The following CFAP61 variants were observed in gnomAD, a reference collection of about 807,000 sequenced individuals.
CFAP61 encodes cilia- and flagella-associated protein 61.
Under a neutral mutation model 135.6 loss-of-function variants are expected in CFAP61, and 107 were observed. That is an observed-to-expected ratio of 0.79 (90% CI 0.67 to 0.93). CFAP61 has a LOEUF of 0.93. Ranked by LOEUF, CFAP61 falls within the 40% of genes least tolerant of loss-of-function variation. The probability of loss-of-function intolerance (pLI) is 0.00; values close to 1 mark genes in which losing one functional copy is unlikely to be tolerated. For missense variants in CFAP61, 1,507 were observed against 1,556.2 expected (o/e 0.97, Z 0.53); for synonymous variants, 575 against 578.5 (o/e 0.99, Z 0.09).
intron 16 of CFAP61, among the ~76,000 whole-genome samples, chr20:20,198,085 A>G (rs1372382918): frequency 6.6e-6 from 1 of 152,266 alleles, no homozygotes; most frequent in Non-Finnish European, 1.5e-5. Context: ...GAAGAAAAAC[A>G]GAAAAGGTTT....
intron 6 of CFAP61, among the ~76,000 whole-genome samples, chr20:20,083,643 C>T (rs1600517514): frequency 6.6e-6 from 1 of 152,168 alleles, no homozygotes; most frequent in Non-Finnish European, 1.5e-5. Flanking sequence ...TTAAACTTGA[C>T]TTCTGAGCAA....
At chr20:20,130,490 G>A (rs1229572612) in intron 8 of CFAP61, among the ~76,000 whole-genome samples, 7 of 151,758 alleles carry the variant, frequency 4.6e-5, no homozygotes, top group African/African-American at 1.7e-4. Flanking sequence ...TCAATTGAAG[G>A]ACAGTTGAAG....
chr20:20,347,614 C>G (rs1332906785), intron 26 of CFAP61, among the ~76,000 whole-genome samples: 1 of 152,064 alleles, frequency 6.6e-6, no homozygotes, highest in Non-Finnish European at 1.5e-5. Flanking sequence ...ATTACATAAC[C>G]TAGATGAAAT....
chr20:20,358,325 T>A (rs1373638966), intron 26 of CFAP61, among the ~76,000 whole-genome samples: 2 of 152,120 alleles, frequency 1.3e-5, no homozygotes, highest in Non-Finnish European at 2.9e-5. Flanking sequence ...GAGGTCATCC[T>A]TCAAGAGGCA....
chr20:20,097,301 G>A (rs906486183), intron 7 of CFAP61, among the ~76,000 whole-genome samples: 2 of 152,152 alleles, frequency 1.3e-5, no homozygotes, highest in African/African-American at 4.8e-5. Flanking sequence ...TTGAGAGATA[G>A]GACCCAGTAA....
chr20:20,137,756 CT>C, intron 8 of CFAP61, among the ~76,000 whole-genome samples: 1 of 152,304 alleles, frequency 6.6e-6, no homozygotes, highest in African/African-American at 2.4e-5. Context: ...TGTGGCCAAG[CT>C]GACACCTAAG....
chr20:20,074,441 T>C, intron 4 of CFAP61, 63 bp downstream of exon 4: 1 of 1,421,792 alleles, frequency 7.0e-7, no homozygotes, highest in South Asian at 1.2e-5. Context: ...TTTTGAAATA[T>C]TTTTTAAAAG....
chr20:20,071,090 G>A, intron 3 of CFAP61, 86 bp downstream of exon 3: 1 of 1,342,890 alleles, frequency 7.4e-7, no homozygotes, highest in African/African-American at 1.4e-5. Context: ...TCCAAGTTTT[G>A]TACTGAGCAG....
At chr20:20,196,266 C>A (rs1417307405) in intron 15 of CFAP61, among the ~76,000 whole-genome samples, 1 of 152,168 alleles carries the variant, frequency 6.6e-6, no homozygotes, top group Non-Finnish European at 1.5e-5. Flanking sequence ...GAGCTGCTGT[C>A]CTGCCGCTTG....
At chr20:20,210,705 T>C (rs1359280611) in intron 17 of CFAP61, among the ~76,000 whole-genome samples, 1 of 152,240 alleles carries the variant, frequency 6.6e-6, no homozygotes, top group East Asian at 1.9e-4. Context: ...TGTGATTCCA[T>C]TCATTATGAA....
chr20:20,075,410 T>G, intron 5 of CFAP61, 79 bp from the exon 6 acceptor site: 1 of 1,536,876 alleles, frequency 6.5e-7, no homozygotes, highest in Non-Finnish European at 9.0e-7. Flanking sequence ...CAATTTAGAA[T>G]GGAAACTACA....
rs200491292 is a variant in CFAP61 at position 20,056,797 on chromosome 20, G to C, written c.143+1G>C. The C allele has an allele frequency of 1.9e-4, 300 of 1,613,578 alleles. No homozygotes were observed. The highest frequency in any genetic ancestry group is 3.3e-4 in the Admixed American group (20 of 60,016). On this transcript the variant is annotated splice_donor_variant, in intron 2 of 26. Coordinates refer to ENST00000245957, the MANE Select transcript of CFAP61 (RefSeq NM_015585.4). LOFTEE classifies it high-confidence loss of function. Reference sequence around the variant, plus strand: ...GGAAGCTAAATATCATCTATCTTCTGTAAGTAGATAACTAAGTTCAAGAAT... The same window carrying C: ...GGAAGCTAAATATCATCTATCTTCTCTAAGTAGATAACTAAGTTCAAGAAT...
Position 20,098,813 on chromosome 20 carries a change from A to G in CFAP61, c.858A>G (p.Gln286=), listed in dbSNP as rs1027624056. The stretch of plus-strand genomic sequence containing the variant: ...AAGACCTAAGTGTCCGAAGAAGTCA[A>G]GGTACAGTGGCTATCACAGGGACAC... ...SPQDLSVRRS[Q]DAELRSSSQG... Residue 286 remains glutamine (Q), a splice_region_variant and synonymous_variant, in exon 8 of 27, where the codon CAA becomes CAG. Transcript: ENST00000245957. 5.0e-6 allele frequency: 8 copies of G among 1,611,544 alleles called. No homozygotes were observed. Among genetic ancestry groups the G allele is most frequent in the Non-Finnish European group, 6.8e-6 (8 of 1,178,990 alleles).
chr20:20,298,114 A>G, intron 24 of CFAP61, 67 bp from the exon 25 acceptor site: 4 of 1,062,414 alleles, frequency 3.8e-6, no homozygotes, highest in Admixed American at 1.7e-5. Flanking sequence ...ATAAATTGCT[A>G]TGATAAAGTT....
intron 25 of CFAP61, among the ~76,000 whole-genome samples, chr20:20,336,591 T>C (rs190846331): frequency 2.3e-4 from 35 of 151,632 alleles, no homozygotes; most frequent in South Asian, 8.4e-4. Flanking sequence ...TGCCACTGTA[T>C]TCCAGCCTGG....
intron 26 of CFAP61, among the ~76,000 whole-genome samples, chr20:20,354,196 A>G (rs1050513316): frequency 6.6e-6 from 1 of 152,044 alleles, no homozygotes; most frequent in Non-Finnish European, 1.5e-5. Context: ...AACCTGGAGG[A>G]CTTTATGCTA....
chr20:20,166,988 C>G (rs535242047), intron 12 of CFAP61, among the ~76,000 whole-genome samples: 1 of 152,270 alleles, frequency 6.6e-6, no homozygotes, highest in East Asian at 1.9e-4. Flanking sequence ...TGCCTACATT[C>G]TTGTCTCATT....
chr20:20,340,734 A>G (rs2058412186), intron 25 of CFAP61, among the ~76,000 whole-genome samples: 1 of 152,142 alleles, frequency 6.6e-6, no homozygotes, highest in Non-Finnish European at 1.5e-5. Flanking sequence ...GGTGCCATGG[A>G]AACAAACATG....
intron 21 of CFAP61, chr20:20,265,657 C>T (rs2052666807): frequency 1.5e-5 from 9 of 618,816 alleles, no homozygotes; most frequent in Non-Finnish European, 2.3e-5. Flanking sequence ...CTTAATGACT[C>T]CCCCAGGCAC....
Sources: allele counts gnomAD v4.1 joint callset (sites outside exome capture counted in the v4.1 genomes callset), GRCh38; gene constraint gnomAD v4.1.1; transcripts MANE v1.5; gene names NCBI Gene and HGNC (gene_info 2026-07-23, HGNC 2026-07-21).